Variants in LARGE1 observed in about 807,000 individuals in gnomAD.
The protein encoded by LARGE1 is LARGE xylosyl- and glucuronyltransferase 1.
Under a neutral mutation model 87.6 loss-of-function variants are expected in LARGE1, and 43 were observed. The observed-to-expected ratio is 0.49, with a 90% CI of 0.38 to 0.63. LARGE1 has a LOEUF of 0.63. Ranked by LOEUF, LARGE1 falls within the 30% of genes least tolerant of loss-of-function variation. The pLI is 0.00. For missense variants in LARGE1, 802 were observed against 1,000.2 expected, an observed-to-expected ratio of 0.80 and a Z score of 2.67; for synonymous variants, 434 against 394.6, an observed-to-expected ratio of 1.10 and a Z score of -1.18.
At chr22:33,068,360 T>C in the LARGE1 span, among the ~76,000 whole-genome samples, 2 of 152,092 alleles carry the variant, frequency 1.3e-5, no homozygotes, top group Non-Finnish European at 2.9e-5. Flanking sequence ...ACAGACAGAG[T>C]TGGGGCCGGG....
At chr22:33,769,874 G>C (rs1188288582) in intron 1 of LARGE1, among the ~76,000 whole-genome samples, 2 of 152,164 alleles carry the variant, frequency 1.3e-5, no homozygotes, top group African/African-American at 4.8e-5. Flanking sequence ...GAAGACCCCT[G>C]TTCCACTGTG....
At chr22:33,305,879 T>G (rs1276589991) in intron 11 of LARGE1, among the ~76,000 whole-genome samples, 1 of 151,130 alleles carries the variant, frequency 6.6e-6, no homozygotes, top group Non-Finnish European at 1.5e-5. Context: ...CTTGCTCTGT[T>G]GCCCAGGATG....
intron 4 of LARGE1, among the ~76,000 whole-genome samples, chr22:33,605,154 C>T (rs1244164048): frequency 6.6e-6 from 1 of 152,002 alleles, no homozygotes; most frequent in Non-Finnish European, 1.5e-5. Flanking sequence ...AGGTTGTATA[C>T]TAAGCCAATG....
chr22:33,686,706 C>T (rs918313010), intron 2 of LARGE1, among the ~76,000 whole-genome samples: 2 of 152,176 alleles, frequency 1.3e-5, no homozygotes, highest in African/African-American at 2.4e-5. Flanking sequence ...TGGCGCCCTT[C>T]TCTTCCTGGT....
At chr22:33,287,902 C>A (rs1228011703) in intron 12 of LARGE1, among the ~76,000 whole-genome samples, 1 of 152,178 alleles carries the variant, frequency 6.6e-6, no homozygotes. Context: ...GGTCATTAGA[C>A]AAGGCGTCTA....
At chr22:33,551,177 G>A (rs1239123581) in intron 6 of LARGE1, among the ~76,000 whole-genome samples, 1 of 152,136 alleles carries the variant, frequency 6.6e-6, no homozygotes, top group Non-Finnish European at 1.5e-5. Flanking sequence ...AATTGTATAT[G>A]TACCCCATAC....
Position 33,385,021 on chromosome 22 carries a change from T to G in LARGE1, c.893-717A>C, listed in dbSNP as rs549746826. Among the ~76,000 whole-genome samples, 86 of 148,928 alleles carry G rather than the reference T, an allele frequency of 5.8e-4. 4 individuals carry two copies. Among genetic ancestry groups the G allele is most frequent in the African/African-American group, 1.8e-3 (76 of 41,138 alleles). On this transcript the variant is annotated intron_variant, in intron 7 of 14. Transcript: ENST00000397394. ...TACTGACAAGCCATATGGGCCTGTC[T>G]CAGTCTTCCTGATTTCAAGAGGGTC...
At chr22:33,209,757 C>A (rs1044481347) in intron 11 of LARGE1, among the ~76,000 whole-genome samples, 1 of 152,164 alleles carries the variant, frequency 6.6e-6, no homozygotes, top group Non-Finnish European at 1.5e-5. Context: ...GTGATCCTCC[C>A]ACCTCAGCTT....
chr22:33,605,409 G>A (rs920008182), intron 4 of LARGE1, among the ~76,000 whole-genome samples: 1 of 152,180 alleles, frequency 6.6e-6, no homozygotes, highest in African/African-American at 2.4e-5. Context: ...ATGGAAACAG[G>A]TTCCAAACCC....
At chr22:33,067,070 G>A in the LARGE1 span, among the ~76,000 whole-genome samples, 1 of 151,952 alleles carries the variant, frequency 6.6e-6, no homozygotes, top group African/African-American at 2.4e-5. Flanking sequence ...TGCTTGGACT[G>A]GCTCCGCTAC....
chr22:33,189,873 G>A (rs760251031), intron 11 of LARGE1, among the ~76,000 whole-genome samples: 6 of 152,138 alleles, frequency 3.9e-5, no homozygotes, highest in Non-Finnish European at 7.4e-5. Context: ...TAACAGTATC[G>A]CAGGGAGAGG....
chr22:33,092,347 G>A, the LARGE1 span, among the ~76,000 whole-genome samples: 1 of 152,092 alleles, frequency 6.6e-6, no homozygotes, highest in Non-Finnish European at 1.5e-5. Context: ...GTGGTTTGGA[G>A]TCATGGGCAA....
chr22:33,589,994 T>C (rs1208215236), intron 5 of LARGE1, among the ~76,000 whole-genome samples: 1 of 152,222 alleles, frequency 6.6e-6, no homozygotes, highest in Non-Finnish European at 1.5e-5. Flanking sequence ...AACACTTCAC[T>C]CATTTTTATT....
downstream of LARGE1, among the ~76,000 whole-genome samples, chr22:33,160,844 G>A (rs1308878705): frequency 6.6e-6 from 1 of 152,272 alleles, no homozygotes; most frequent in African/African-American, 2.4e-5. Flanking sequence ...CTCAGGCTGA[G>A]TGAAGGGAAG....
chr22:33,626,843 C>T (rs899138132), intron 3 of LARGE1, among the ~76,000 whole-genome samples: 4 of 152,330 alleles, frequency 2.6e-5, no homozygotes, highest in African/African-American at 9.6e-5. Context: ...GAACGGAAGA[C>T]TGGCAGAATT....
downstream of LARGE1, among the ~76,000 whole-genome samples, chr22:33,271,895 C>G (rs1281668287): frequency 6.6e-6 from 1 of 152,220 alleles, no homozygotes; most frequent in African/African-American, 2.4e-5. Context: ...AGGATTTTCT[C>G]CTGTTGGTGT....
chr22:33,315,453 G>T (rs1049717638), intron 11 of LARGE1, among the ~76,000 whole-genome samples: 5 of 152,106 alleles, frequency 3.3e-5, no homozygotes, highest in African/African-American at 1.2e-4. Flanking sequence ...CTTTCCAGCC[G>T]CAATTGTAGC....
chr22:33,531,017 C>A (rs1444408982), intron 6 of LARGE1, among the ~76,000 whole-genome samples: 1 of 152,196 alleles, frequency 6.6e-6, no homozygotes. Context: ...TTCACACTAA[C>A]AGATGTGAGA....
intron 8 of LARGE1, among the ~76,000 whole-genome samples, chr22:33,382,572 A>T (rs1346131471): frequency 6.6e-6 from 1 of 152,118 alleles, no homozygotes; most frequent in East Asian, 1.9e-4. Context: ...GGTGCCCAGG[A>T]TACGCACTCC....
Sources: gnomAD v4.1 joint callset for allele counts (sites outside exome capture counted in the v4.1 genomes callset) on GRCh38, gnomAD v4.1.1 for gene constraint, MANE v1.5 for transcripts, NCBI Gene and HGNC (gene_info 2026-07-23, HGNC 2026-07-21) for gene names.